The following PSTPIP2 variants were observed in gnomAD, a reference collection of about 807,000 sequenced individuals.
PSTPIP2 encodes proline-serine-threonine phosphatase interacting protein 2.
A neutral mutation model predicts 63.3 loss-of-function variants in PSTPIP2; 33 were observed. That is an observed-to-expected ratio of 0.52 (90% CI 0.40 to 0.70). The LOEUF (loss-of-function observed/expected upper bound fraction) is 0.70. PSTPIP2 is among the 30% of genes least tolerant of loss of function. The pLI is 0.00. For synonymous variants in PSTPIP2, 125 were observed against 132.7 expected, an observed-to-expected ratio of 0.94 and a Z score of 0.40; for missense variants, 312 against 400.7, an observed-to-expected ratio of 0.78 and a Z score of 1.89.
chr18:46,047,372 AG>A (rs1420138149), intron 1 of PSTPIP2, among the ~76,000 whole-genome samples: 1 of 152,202 alleles, frequency 6.6e-6, no homozygotes, highest in African/African-American at 2.4e-5. Context: ...CAGGAGTTCG[AG>A]ACCAGCTTGG....
At chr18:46,056,561 T>C (rs1338648569) in intron 1 of PSTPIP2, among the ~76,000 whole-genome samples, 3 of 151,952 alleles carry the variant, frequency 2.0e-5, no homozygotes, top group Non-Finnish European at 4.4e-5. Context: ...ACTCTGTCTC[T>C]ACAAGAAATT....
chr18:45,990,749 G>A lies in PSTPIP2; in HGVS notation c.928C>T (p.Pro310Ser). ...GGTGAGCTTTTAGGAATTGGGAGGG[G>A]TCCTCTCCTGTAAGAAATGAAAACC... ...ATGPNLARRG[P>S]LPIPKSSPDD... Residue 310 changes from proline (P) to serine (S), a missense_variant, in exon 13 of 15, where the codon CCC becomes TCC. Transcript: ENST00000409746. 2 of 1,603,618 alleles carry A rather than the reference G, an allele frequency of 1.2e-6. No individual in the cohort carries two copies. Among genetic ancestry groups the A allele is most frequent in the South Asian group, 2.2e-5 (2 of 90,466 alleles).
chr18:46,064,282 C>CTTTTT (rs56236802), intron 1 of PSTPIP2, among the ~76,000 whole-genome samples: 35 of 71,524 alleles, frequency 4.9e-4, no homozygotes, highest in African/African-American at 6.5e-4. Context: ...CTTTTTCTTT[C>CTTTTT]TTTTTTTTTT....
intron 5 of PSTPIP2, among the ~76,000 whole-genome samples, chr18:46,008,096 C>G (rs565037713): frequency 1.1e-4 from 17 of 152,274 alleles, no homozygotes; most frequent in African/African-American, 3.9e-4. Context: ...ACTTTCTGCT[C>G]AGACCAAATC....
intron 1 of PSTPIP2, among the ~76,000 whole-genome samples, chr18:46,056,599 C>G (rs1908763566): frequency 6.6e-6 from 1 of 152,118 alleles, no homozygotes; most frequent in African/African-American, 2.4e-5. Context: ...TGGTGGTGCA[C>G]ACCTGTGGTC....
intron 1 of PSTPIP2, among the ~76,000 whole-genome samples, chr18:46,069,900 C>G (rs1425158352): frequency 6.6e-6 from 1 of 152,132 alleles, no homozygotes; most frequent in Non-Finnish European, 1.5e-5. Context: ...CATTCTTTCT[C>G]CTTGAATAAC....
At chr18:46,047,740 C>T (rs1007925206) in intron 1 of PSTPIP2, among the ~76,000 whole-genome samples, 8 of 152,006 alleles carry the variant, frequency 5.3e-5, no homozygotes, top group Non-Finnish European at 7.4e-5. Flanking sequence ...AGTAAGTGTT[C>T]TTCAATAAAG....
intron 1 of PSTPIP2, among the ~76,000 whole-genome samples, chr18:46,068,055 T>A (rs1279073485): frequency 1.3e-5 from 2 of 152,088 alleles, no homozygotes; most frequent in Admixed American, 6.5e-5. Flanking sequence ...CAGTTCTCCA[T>A]ATCTGCATCC....
chr18:46,038,299 A>AT (rs888576905), intron 2 of PSTPIP2, among the ~76,000 whole-genome samples: 4 of 151,946 alleles, frequency 2.6e-5, no homozygotes, highest in African/African-American at 9.7e-5. Context: ...TGTAAAATAC[A>AT]TTTTTTTTGA....
At position 46,069,936 on chromosome 18, in the gene PSTPIP2, C is replaced by T. The variant is rs79137001; in HGVS notation, c.33+2220G>A. Among the ~76,000 whole-genome samples, 497 of 152,312 alleles carry T rather than the reference C, an allele frequency of 3.3e-3. 4 individuals carry two copies. Among genetic ancestry groups the T allele is most frequent in the African/African-American group, 0.011 (461 of 41,574 alleles). ...CATCACTCACTTCTTTTACTTGTCA[C>T]CTCTACTGCTGATAATAATAGCTGG... On this transcript the variant is annotated intron_variant, in intron 1 of 14. Transcript: ENST00000409746.
intron 9 of PSTPIP2, 65 bp from the exon 10 acceptor site, chr18:45,993,768 G>T: frequency 7.1e-7 from 1 of 1,406,032 alleles, no homozygotes; most frequent in Non-Finnish European, 1.0e-6. Flanking sequence ...TTGGCTAGCT[G>T]TGACTTAAGA....
chr18:46,053,828 C>G (rs906172351), intron 1 of PSTPIP2, among the ~76,000 whole-genome samples: 2 of 152,152 alleles, frequency 1.3e-5, no homozygotes, highest in Admixed American at 1.3e-4. Context: ...ATGAGGGGAT[C>G]TTAAATGCAT....
chr18:46,054,573 T>C (rs1908688614), intron 1 of PSTPIP2, among the ~76,000 whole-genome samples: 1 of 152,006 alleles, frequency 6.6e-6, no homozygotes, highest in African/African-American at 2.4e-5. Context: ...ATGTTAATAA[T>C]AGGAAAAATA....
chr18:45,988,717 T>A lies in PSTPIP2; in HGVS notation c.998A>T (p.Tyr333Phe). Residue 333 changes from tyrosine to phenylalanine, a missense_variant, in exon 14 of 15, where the codon TAT becomes TTT. Coordinates refer to ENST00000409746, the MANE Select transcript of PSTPIP2 (RefSeq NM_024430.4). ...YSLVDDYSLL[Y>F]Q The stretch of plus-strand genomic sequence containing the variant: ...AGGTTCTTACCATTGATTTTACTGA[T>A]AGAGCAAACTGTAGTCATCAACCAA... 6.4e-7 allele frequency: 1 copy of A among 1,557,552 alleles called. No homozygotes were observed. Among genetic ancestry groups the A allele is most frequent in the Non-Finnish European group, 8.9e-7 (1 of 1,128,922 alleles).
At chr18:45,995,352 A>G (rs7240541) in intron 9 of PSTPIP2, among the ~76,000 whole-genome samples, 37,809 of 152,004 alleles carry the variant, frequency 0.25, 6,762 homozygotes, top group African/African-American at 0.49. Context: ...ATCCACCCGC[A>G]TCAGCCTCTG....
At chr18:46,070,960 A>G (rs891117883) in intron 1 of PSTPIP2, among the ~76,000 whole-genome samples, 3 of 152,076 alleles carry the variant, frequency 2.0e-5, no homozygotes, top group African/African-American at 7.2e-5. Context: ...AGTGCCTGCC[A>G]TGGGATCCCC....
At chr18:46,036,541 C>T (rs1907985983) in intron 2 of PSTPIP2, among the ~76,000 whole-genome samples, 2 of 152,174 alleles carry the variant, frequency 1.3e-5, no homozygotes, top group Non-Finnish European at 2.9e-5. Context: ...TATGTCTACC[C>T]TGGATGCAAG....
chr18:46,040,877 G>A, intron 1 of PSTPIP2: 1 of 391,734 alleles, frequency 2.6e-6, no homozygotes, highest in South Asian at 1.9e-5. Context: ...ATCCTCTACT[G>A]AAGCCCAAAT....
rs908668374 is a variant in PSTPIP2 at position 46,024,096 on chromosome 18, C to T, written c.212+513G>A. 7.9e-5 allele frequency among the ~76,000 whole-genome samples: 12 copies of T among 151,942 alleles called. 1 individual carries two copies. Among genetic ancestry groups the T allele is most frequent in the South Asian group, 2.1e-4 (1 of 4,802 alleles). ...TTTTCAGGCCAAGTACAGTGACACG[C>T]GCCTGTATTCCCAGTGACTTGGACA... is the stretch of plus-strand genomic sequence containing the variant. On this transcript the variant is annotated intron_variant, in intron 3 of 14. Coordinates refer to ENST00000409746, the MANE Select transcript of PSTPIP2 (RefSeq NM_024430.4).
Sources: allele counts gnomAD v4.1 joint callset (sites outside exome capture counted in the v4.1 genomes callset), GRCh38; gene constraint gnomAD v4.1.1; transcripts MANE v1.5; gene names NCBI Gene and HGNC (gene_info 2026-07-23, HGNC 2026-07-21).